Variants in HK3 observed in about 807,000 individuals in gnomAD.
The protein encoded by HK3 is hexokinase-3.
Under a neutral mutation model 91.0 loss-of-function variants are expected in HK3, and 93 were observed. The ratio of observed to expected loss-of-function variants is 1.02; its 90% CI spans 0.86 to 1.21. HK3 has a LOEUF of 1.21. HK3 is among the 50% of genes most tolerant of loss of function. HK3 has a pLI of 0.00. For synonymous variants in HK3, 519 were observed against 516.9 expected, an observed-to-expected ratio of 1.00 and a Z score of -0.06; for missense variants, 1,235 against 1,247.4, an observed-to-expected ratio of 0.99 and a Z score of 0.15.
chr5:176,881,827 C>G lies in HK3; in HGVS notation c.2258G>C (p.Gly753Ala), dbSNP rs199725573. Reference protein sequence around the residue: ...GKQRFEKMISGMYLGEIVRHI... With the variant: ...GKQRFEKMISAMYLGEIVRHI... Reference sequence around the variant, plus strand: ...GCGGACGATCTCCCCCAGGTACATGCCGCTGATCATCTTTTCAAACCTGCA... The same window carrying G: ...GCGGACGATCTCCCCCAGGTACATGGCGCTGATCATCTTTTCAAACCTGCA... Residue 753 changes from glycine (G) to alanine (A), a missense_variant, in exon 17 of 19, where the codon GGC (glycine) becomes GCC (alanine). By Grantham distance (60) the Gly-to-Ala change is moderately conservative. Around this residue, in one of 3 missense-constraint regions of HK3, gnomAD observed 513 missense variants for 477.4 expected, o/e 1.07. Coordinates refer to ENST00000292432, the MANE Select transcript of HK3 (RefSeq NM_002115.3). 1.9e-6 allele frequency: 3 copies of G among 1,613,998 alleles called. No individual in the cohort carries two copies. Among genetic ancestry groups the G allele is most frequent in the Non-Finnish European group, 1.7e-6 (2 of 1,180,018 alleles).
chr5:176,885,867 A>G (rs1488467697), intron 13 of HK3, among the ~76,000 whole-genome samples: 1 of 151,932 alleles, frequency 6.6e-6, no homozygotes, highest in East Asian at 1.9e-4. Context: ...CTTAGCCTGG[A>G]GCAGAGCAGC....
At position 176,882,028 on chromosome 5, in the gene HK3, A is replaced by G; in HGVS notation, c.2153T>C (p.Phe718Ser). The change falls in exon 16 of 19, where the codon TTT (phenylalanine) becomes TCT (serine). Residue 718 changes from phenylalanine (F) to serine (S), a missense_variant. Coordinates refer to ENST00000292432, the MANE Select transcript of HK3 (RefSeq NM_002115.3). ...CATGGCCAGAGAGCCATCGTCCCCAAAGGCGCCCCACTCCATGTTGATGCA... is the reference window on the plus strand; with the variant it reads ...CATGGCCAGAGAGCCATCGTCCCCAGAGGCGCCCCACTCCATGTTGATGCA... ...RMCINMEWGAFGDDGSLAMLS... is the reference protein window; with the variant it reads ...RMCINMEWGASGDDGSLAMLS... 6.2e-7 allele frequency: 1 copy of G among 1,613,188 alleles called. No homozygotes were observed. The highest frequency in any genetic ancestry group is 8.5e-7 in the Non-Finnish European group (1 of 1,179,998).
chr5:176,888,968 C>A, intron 8 of HK3, 104 bp from the exon 9 acceptor site: 1 of 1,359,626 alleles, frequency 7.4e-7, no homozygotes, highest in Non-Finnish European at 9.9e-7. Flanking sequence ...TTTGGGGCTC[C>A]CAAACTGGAG....
chr5:176,887,028 G>A lies in HK3; in HGVS notation c.1831C>T (p.Pro611Ser), dbSNP rs765742449. ...TGGTCTAGGCCAAGCTGCCTACATG[G>A]GAAGGAGAAGGTAAAACCCAGTGGG... ...SLPLGFTFSFPCRQLGLDQGI... is the reference protein window; with the variant it reads ...SLPLGFTFSFSCRQLGLDQGI... Residue 611 changes from proline to serine, a missense_variant, in exon 13 of 19, where the codon CCA (proline) becomes TCA (serine). Around this residue, in one of 3 missense-constraint regions of HK3, gnomAD observed 513 missense variants for 477.4 expected, o/e 1.07. Transcript: ENST00000292432. This position sits in a 1 kb window ranked among gnomAD's most constrained non-coding sequence, Gnocchi z 4.9. 6.2e-7 allele frequency: 1 copy of A among 1,614,156 alleles called. No individual in the cohort carries two copies. The highest frequency in any genetic ancestry group is 1.1e-5 in the South Asian group (1 of 91,070).
intron 8 of HK3, 71 bp from the exon 9 acceptor site, chr5:176,888,935 G>C: frequency 6.5e-7 from 1 of 1,527,676 alleles, no homozygotes; most frequent in Non-Finnish European, 8.8e-7. Flanking sequence ...ACCTCCAAGA[G>C]TTCCCAAAGA....
intron 2 of HK3, among the ~76,000 whole-genome samples, chr5:176,895,068 C>T (rs1432709392): frequency 1.1e-4 from 16 of 147,948 alleles, no homozygotes; most frequent in Non-Finnish European, 1.6e-4. Flanking sequence ...TGAGCCACTG[C>T]GCCCGGACTT....
intron 1 of HK3, among the ~76,000 whole-genome samples, chr5:176,896,581 A>T (rs915081704): frequency 2.0e-5 from 3 of 152,222 alleles, no homozygotes; most frequent in African/African-American, 7.2e-5. Flanking sequence ...GGCCACATGT[A>T]ATAGATGGAC....
chr5:176,889,679 C>T lies in HK3; in HGVS notation c.696G>A (p.Pro232=), dbSNP rs773768207. The T allele has an allele frequency of 8.7e-6, 14 of 1,614,058 alleles. No individual in the cohort carries two copies. The Admixed American group carries it at 1.0e-4, about 12-fold the overall frequency. ...GCCCAACCTCACACGGCCTGACCCC[C>T]GGCTCACAGCCCATCATGGTGCCCA... is the stretch of plus-strand genomic sequence containing the variant. ...DTVGTMMGCE[P]GVRPCEVGLV... The change falls in exon 7 of 19, where the codon CCG becomes CCA. Residue 232 remains proline, a synonymous_variant. Coordinates refer to ENST00000292432, the MANE Select transcript of HK3 (RefSeq NM_002115.3).
At position 176,887,499 on chromosome 5, in the gene HK3, A is replaced by C; in HGVS notation, c.1552T>G (p.Ser518Ala). The change falls in exon 11 of 19, where the codon TCC becomes GCC. Residue 518 changes from serine to alanine, a missense_variant. Coordinates refer to ENST00000292432, the MANE Select transcript of HK3 (RefSeq NM_002115.3). This position sits in a 1 kb window ranked among gnomAD's most constrained non-coding sequence, Gnocchi z 4.9. ...MAKGLRGEAS[S>A]LRMLPTFVRA... Reference sequence around the variant, plus strand: ...ACGAAAGTGGGCAGCATGCGAAGGGAGGAGGCCTCCCCTCGGAGCCCCTTG... The same window carrying C: ...ACGAAAGTGGGCAGCATGCGAAGGGCGGAGGCCTCCCCTCGGAGCCCCTTG... The C allele has an allele frequency of 4.3e-6, 7 of 1,613,732 alleles. No homozygotes were observed. Among genetic ancestry groups the C allele is most frequent in the Non-Finnish European group, 5.9e-6 (7 of 1,179,928 alleles).
Position 176,899,292 on chromosome 5 carries a change from C to G in HK3, c.-52G>C, listed in dbSNP as rs1172001482. Reference sequence around the variant, plus strand: ...CTGGGACACAGAGAAGCTAGTCACTCTCCTCAGGTCTGAGCTCTTGTCTGG... The same window carrying G: ...CTGGGACACAGAGAAGCTAGTCACTGTCCTCAGGTCTGAGCTCTTGTCTGG... On this transcript the variant is annotated 5_prime_UTR_variant, in exon 1 of 19. Transcript: ENST00000292432. 1 of 152,306 alleles carries G rather than the reference C, an allele frequency of 6.6e-6. No individual in the cohort carries two copies. The highest frequency in any genetic ancestry group is 2.4e-5 in the African/African-American group (1 of 41,462). 9.4% of individuals were successfully genotyped at this position (152,306 alleles called of 1,614,324 possible).
At chr5:176,897,856 A>G (rs542286328) in intron 1 of HK3, among the ~76,000 whole-genome samples, 1 of 152,322 alleles carries the variant, frequency 6.6e-6, no homozygotes, top group African/African-American at 2.4e-5. Flanking sequence ...GGCCTCAGCC[A>G]AATCCTAAAT....
At chr5:176,888,110 G>A (rs1249532161) in intron 10 of HK3, among the ~76,000 whole-genome samples, 3 of 152,008 alleles carry the variant, frequency 2.0e-5, no homozygotes, top group Non-Finnish European at 2.9e-5. Flanking sequence ...CCAGCCATAC[G>A]CCCCCGTGTC....
rs75536813 is a variant in HK3 at position 176,886,521 on chromosome 5, A to G, written c.1857+481T>C. On this transcript the variant is annotated intron_variant, in intron 13 of 18. Coordinates refer to ENST00000292432, the MANE Select transcript of HK3 (RefSeq NM_002115.3). The stretch of plus-strand genomic sequence containing the variant: ...ATTGAGAAGTCCCTCATCCTTGTGT[A>G]AGAACAAGCTAAAGTGTGTGCTGAG... Among the ~76,000 whole-genome samples the G allele has an allele frequency of 9.4e-3, 1,426 of 152,154 alleles. 25 individuals are homozygous for G. The highest frequency in any genetic ancestry group is 0.033 in the African/African-American group (1,358 of 41,494).
At position 176,887,299 on chromosome 5, in the gene HK3, T is replaced by C. The variant is rs750294501; in HGVS notation, c.1639A>G (p.Asn547Asp). The change falls in exon 12 of 19, where the codon AAC (asparagine) becomes GAC (aspartate). Residue 547 changes from asparagine (N) to aspartate (D), a missense_variant. Coordinates refer to ENST00000292432, the MANE Select transcript of HK3 (RefSeq NM_002115.3). This position sits in a 1 kb window ranked among gnomAD's most constrained non-coding sequence, Gnocchi z 4.9. ...DFLALDLGGT[N>D]FRVLLVRVTT... ...ACACGTACCAGGAGGACACGGAAGTTCGTGCCCCCGAGGTCCAGGGCCAGG... is the reference window on the plus strand; with the variant it reads ...ACACGTACCAGGAGGACACGGAAGTCCGTGCCCCCGAGGTCCAGGGCCAGG... 6.2e-7 allele frequency: 1 copy of C among 1,613,886 alleles called. No homozygotes were observed. Among genetic ancestry groups the C allele is most frequent in the South Asian group, 1.1e-5 (1 of 91,058 alleles).
chr5:176,881,563 G>A, intron 17 of HK3, 28 bp from the exon 18 acceptor site: 1 of 1,592,618 alleles, frequency 6.3e-7, no homozygotes. Context: ...AGAGAGCACA[G>A]GGAGGTGGGT....
In HK3 at chr5:176,880,978, G is replaced by T; in HGVS notation, c.*95C>A. 4 of 1,401,758 alleles carry T rather than the reference G, an allele frequency of 2.9e-6. No homozygotes were observed. The highest frequency in any genetic ancestry group is 3.8e-6 in the Non-Finnish European group (4 of 1,054,678). The allele number at this position is 1,401,758 out of a possible 1,614,324, so 86.8% of individuals were successfully genotyped here. ...AGGGGTCACACATGGGATGTCCCAG[G>T]AGTCCTGGGTGGCTGGGCCTGGCTG... On this transcript the variant is annotated 3_prime_UTR_variant, in exon 19 of 19. Coordinates refer to ENST00000292432, the MANE Select transcript of HK3 (RefSeq NM_002115.3).
intron 6 of HK3, 48 bp downstream of exon 6, chr5:176,890,587 G>T: frequency 1.3e-6 from 2 of 1,541,738 alleles, no homozygotes; most frequent in Non-Finnish European, 1.8e-6. Flanking sequence ...TGTGTGCCAG[G>T]CCCAGGCCAA....
At chr5:176,881,893 A>G (rs116564707) in intron 16 of HK3, 46 bp from the exon 17 acceptor site, 24,009 of 1,611,992 alleles carry the variant, frequency 0.015, 224 homozygotes, top group Non-Finnish European at 0.018. Context: ...ACCAGCCACC[A>G]TCCCCAGCAC....
At chr5:176,896,861 T>G (rs1010565137) in intron 1 of HK3, among the ~76,000 whole-genome samples, 3 of 152,124 alleles carry the variant, frequency 2.0e-5, no homozygotes, top group Non-Finnish European at 4.4e-5. Flanking sequence ...AAATAATATC[T>G]ACCCTCACAA....
Sources: gnomAD v4.1 joint callset for allele counts (sites outside exome capture counted in the v4.1 genomes callset) on GRCh38, gnomAD v4.1.1 for gene constraint, gnomAD v4.1.1 regional missense constraint, Gnocchi (gnomAD v3.1) non-coding constraint, MANE v1.5 for transcripts, NCBI Gene and HGNC (gene_info 2026-07-23, HGNC 2026-07-21) for gene names.